The following CSMD1 variants were observed in gnomAD, a reference collection of about 807,000 sequenced individuals.
CSMD1 encodes the protein CUB and sushi domain-containing protein 1.
CSMD1 carries 213 observed loss-of-function variants against 417.5 expected under a neutral mutation model. The ratio of observed to expected loss-of-function variants is 0.51; its 90% CI spans 0.46 to 0.57. CSMD1 has a LOEUF of 0.57. Ranked by LOEUF, CSMD1 falls within the 20% of genes least tolerant of loss-of-function variation. CSMD1 has a pLI of 0.00. For synonymous variants in CSMD1, 2,862 were observed against 1,736.8 expected (o/e 1.65, Z -16.11); for missense variants, 6,923 against 4,529.7 (o/e 1.53, Z -15.17).
chr8:3,379,576 G>T (rs1023311670), intron 18 of CSMD1, among the ~76,000 whole-genome samples: 1 of 152,094 alleles, frequency 6.6e-6, no homozygotes, highest in African/African-American at 2.4e-5. Context: ...CAGAACAGAG[G>T]TCTCTGAAAT....
intron 2 of CSMD1, among the ~76,000 whole-genome samples, chr8:4,464,337 C>T (rs572897741): frequency 2.0e-5 from 3 of 152,260 alleles, no homozygotes; most frequent in African/African-American, 7.2e-5. Flanking sequence ...CGGTTATGTT[C>T]TAATAAAAAC....
At chr8:3,730,878 T>G (rs1048388706) in intron 6 of CSMD1, among the ~76,000 whole-genome samples, 1 of 152,166 alleles carries the variant, frequency 6.6e-6, no homozygotes, top group African/African-American at 2.4e-5. Context: ...GAGAGTGCTT[T>G]TAGCCACTAT....
At chr8:4,981,100 T>G (rs1037618520) in intron 1 of CSMD1, among the ~76,000 whole-genome samples, 1 of 152,210 alleles carries the variant, frequency 6.6e-6, no homozygotes, top group East Asian at 1.9e-4. Flanking sequence ...ATTTCCCATG[T>G]GTGTACAAGT....
rs982490681 is a variant in CSMD1, at chr8:4,485,621, C to G, written c.303-65556G>C. ...GCTAGAAAATGGATAATGCTTTCTA[C>G]TATTAAAATTGATCTTGTATGCTAT... On this transcript the variant is annotated intron_variant, in intron 2 of 69. Coordinates refer to ENST00000635120, the MANE Select transcript of CSMD1 (RefSeq NM_033225.6). 2.6e-5 allele frequency among the ~76,000 whole-genome samples: 4 copies of G among 152,096 alleles called. No individual in the cohort carries two copies. In the South Asian group the frequency reaches 8.3e-4, roughly 31 times the overall value.
At chr8:4,393,885 A>G (rs541163690) in intron 3 of CSMD1, among the ~76,000 whole-genome samples, 5 of 152,332 alleles carry the variant, frequency 3.3e-5, no homozygotes, top group African/African-American at 1.2e-4. Context: ...ACCATGAGAC[A>G]TATGAAATAT....
At chr8:3,403,442 A>G (rs924349572) in intron 15 of CSMD1, among the ~76,000 whole-genome samples, 1 of 152,170 alleles carries the variant, frequency 6.6e-6, no homozygotes, top group Admixed American at 6.5e-5. Context: ...CTCAGTCATT[A>G]GGTTTCTCAA....
In CSMD1 at chr8:3,369,306, A is replaced by G. The variant is rs969291561; in HGVS notation, c.2847T>C (p.Phe949=). Residue 949 remains phenylalanine (F), a synonymous_variant, in exon 19 of 70, where the codon TTT becomes TTC. Transcript: ENST00000635120. ...ACGTGCAGTTTAGAGAGTTTGGATA[A>G]AAATCTGGAAACCCAGGAGAAAGGA... is the stretch of plus-strand genomic sequence containing the variant. The part of the protein sequence containing the change: ...GTVLSPGFPD[F]YPNSLNCTWT... The G allele has an allele frequency of 1.1e-5, 17 of 1,608,728 alleles. No homozygotes were observed. The African/African-American group carries it at 2.0e-4, about 19-fold the overall frequency.
At chr8:3,355,658 T>G (rs992834862) in intron 21 of CSMD1, among the ~76,000 whole-genome samples, 1 of 152,150 alleles carries the variant, frequency 6.6e-6, no homozygotes, top group Non-Finnish European at 1.5e-5. Flanking sequence ...CACCCAGTGC[T>G]TTACCCAGAC....
chr8:3,503,374 C>T (rs1045167018), intron 10 of CSMD1, among the ~76,000 whole-genome samples: 2 of 152,224 alleles, frequency 1.3e-5, no homozygotes, highest in Non-Finnish European at 2.9e-5. Flanking sequence ...GACTATTAGC[C>T]TATGCTACAA....
chr8:3,792,676 C>T (rs1480041165), intron 5 of CSMD1, among the ~76,000 whole-genome samples: 1 of 152,108 alleles, frequency 6.6e-6, no homozygotes, highest in Non-Finnish European at 1.5e-5. Flanking sequence ...ACAGAGACCG[C>T]AATCATGAAA....
At chr8:4,536,693 T>C (rs1043900849) in intron 2 of CSMD1, among the ~76,000 whole-genome samples, 2 of 152,256 alleles carry the variant, frequency 1.3e-5, no homozygotes, top group African/African-American at 4.8e-5. Flanking sequence ...TTTGTACTAA[T>C]GCCAGAATAA....
At chr8:4,016,293 G>A (rs1444373672) in intron 4 of CSMD1, among the ~76,000 whole-genome samples, 1 of 152,068 alleles carries the variant, frequency 6.6e-6, no homozygotes, top group East Asian at 1.9e-4. Context: ...CCAGTAGATG[G>A]AAATAGAAAA....
chr8:2,995,022 T>C (rs895586719), intron 54 of CSMD1, among the ~76,000 whole-genome samples: 2 of 152,120 alleles, frequency 1.3e-5, no homozygotes, highest in Non-Finnish European at 2.9e-5. Flanking sequence ...AGACTTGACA[T>C]CAATACCATG....
chr8:4,278,539 A>G (rs942909787), intron 3 of CSMD1, among the ~76,000 whole-genome samples: 1 of 152,348 alleles, frequency 6.6e-6, no homozygotes, highest in Non-Finnish European at 1.5e-5. Flanking sequence ...GTAAGGTACT[A>G]AAATACTAAA....
intron 21 of CSMD1, among the ~76,000 whole-genome samples, chr8:3,348,630 T>C (rs1428126149): frequency 6.6e-6 from 1 of 152,200 alleles, no homozygotes; most frequent in East Asian, 1.9e-4. Flanking sequence ...AAGGGGAATC[T>C]AACGACAGAC....
At chr8:4,020,588 T>C (rs893070374) in intron 4 of CSMD1, among the ~76,000 whole-genome samples, 1 of 152,170 alleles carries the variant, frequency 6.6e-6, no homozygotes, top group African/African-American at 2.4e-5. Flanking sequence ...AGGCCTCCAA[T>C]TCTCTTATGG....
rs1304595590 is a variant in CSMD1 at position 3,524,318 on chromosome 8, CACATAA to C, written c.1345-30598_1345-30593del. Among the ~76,000 whole-genome samples, 8 of 151,290 alleles carry C rather than the reference CACATAA, an allele frequency of 5.3e-5. No individual in the cohort carries two copies. In the East Asian group the frequency reaches 7.8e-4, roughly 15 times the overall value. On this transcript the variant is annotated intron_variant, in intron 10 of 69. Coordinates refer to ENST00000635120, the MANE Select transcript of CSMD1 (RefSeq NM_033225.6). ...ACACGTACACTCAGAGACATATGCA[CACATAA>C]ACATGCACACACACATGCACACCCA...
chr8:3,825,355 C>T (rs537912539), intron 5 of CSMD1, among the ~76,000 whole-genome samples: 1 of 152,048 alleles, frequency 6.6e-6, no homozygotes, highest in Non-Finnish European at 1.5e-5. Context: ...CATGGTGAAA[C>T]CTTGTCTGTA....
intron 3 of CSMD1, among the ~76,000 whole-genome samples, chr8:4,112,329 G>C (rs1470973182): frequency 2.0e-5 from 3 of 152,254 alleles, no homozygotes; most frequent in African/African-American, 7.2e-5. Context: ...CCTGGCAACG[G>C]ACACAGGCCT....
Sources: gnomAD v4.1 joint callset for allele counts (sites outside exome capture counted in the v4.1 genomes callset) on GRCh38, gnomAD v4.1.1 for gene constraint, MANE v1.5 for transcripts, NCBI Gene and HGNC (gene_info 2026-07-23, HGNC 2026-07-21) for gene names.